The following TMEM268 variants were observed in gnomAD, a reference collection of about 807,000 sequenced individuals.
The protein encoded by TMEM268 is transmembrane protein C9orf91.
TMEM268 carries 24 observed loss-of-function variants against 39.1 expected under a neutral mutation model. The observed-to-expected ratio is 0.61, with a 90% CI of 0.44 to 0.86. TMEM268 has a LOEUF of 0.86. TMEM268 is among the 40% of genes least tolerant of loss of function. The pLI, the probability that TMEM268 is intolerant of heterozygous loss-of-function variation, is 0.00. For synonymous variants in TMEM268, 176 were observed against 173.5 expected (o/e 1.01, Z -0.12); for missense variants, 409 against 428.6 (o/e 0.95, Z 0.40).
At chr9:114,626,859 T>C in intron 3 of TMEM268, 40 bp from the exon 4 acceptor site, 3 of 1,480,220 alleles carry the variant, frequency 2.0e-6, no homozygotes, top group Non-Finnish European at 2.8e-6. Context: ...AAACTGGCTG[T>C]CCTGCGGCTG....
chr9:114,617,286 C>T lies in TMEM268; in HGVS notation c.91C>T (p.Pro31Ser). 6.2e-7 allele frequency: 1 copy of T among 1,613,144 alleles called. No individual in the cohort carries two copies. Among genetic ancestry groups the T allele is most frequent in the Non-Finnish European group, 8.5e-7 (1 of 1,179,338 alleles). Reference protein sequence around the residue: ...GWSALPGGSPPGWGQELHNGQ... With the variant: ...GWSALPGGSPSGWGQELHNGQ... Reference sequence around the variant, plus strand: ...GAGTGCCCTGCCTGGAGGGAGCCCTCCTGGCTGGGGGCAAGGTAAGATCAT... The same window carrying T: ...GAGTGCCCTGCCTGGAGGGAGCCCTTCTGGCTGGGGGCAAGGTAAGATCAT... The change falls in exon 2 of 9, where the codon CCT becomes TCT. Residue 31 changes from proline to serine, a missense_variant. Coordinates refer to ENST00000288502, the MANE Select transcript of TMEM268 (RefSeq NM_153045.4).
chr9:114,643,041 C>A, intron 8 of TMEM268, 93 bp from the exon 9 acceptor site: 1 of 1,329,904 alleles, frequency 7.5e-7, no homozygotes. Context: ...GGTCCAGGGG[C>A]AAGAAAGCAG....
At chr9:114,633,648 C>T (rs1846501497) in intron 5 of TMEM268, 120 bp from the exon 6 acceptor site, 1 of 537,214 alleles carries the variant, frequency 1.9e-6, no homozygotes, top group Non-Finnish European at 3.3e-6. Context: ...TGGGACAGTC[C>T]TGAGGGTGGG....
At position 114,643,436 on chromosome 9, in the gene TMEM268, G is replaced by A; in HGVS notation, c.*123G>A. 2 of 799,880 alleles carry A rather than the reference G, an allele frequency of 2.5e-6. No homozygotes were observed. The highest frequency in any genetic ancestry group is 3.5e-5 in the South Asian group (2 of 56,786). 49.5% of individuals were successfully genotyped at this position (799,880 alleles called of 1,614,324 possible). Reference sequence around the variant, plus strand: ...AGCATCTGGGGGCACTCCAAAAGGGGCCTGTGATGTCAGCCACTGGGGTGT... The same window carrying A: ...AGCATCTGGGGGCACTCCAAAAGGGACCTGTGATGTCAGCCACTGGGGTGT... On this transcript the variant is annotated 3_prime_UTR_variant, in exon 9 of 9. Coordinates refer to ENST00000288502, the MANE Select transcript of TMEM268 (RefSeq NM_153045.4).
At chr9:114,614,350 C>T (rs1845618783) in intron 1 of TMEM268, among the ~76,000 whole-genome samples, 1 of 152,216 alleles carries the variant, frequency 6.6e-6, no homozygotes, top group African/African-American at 2.4e-5. Context: ...GGGCCAGCTT[C>T]AGGTGCATGC....
At chr9:114,607,629 T>C (rs1357227585), upstream of TMEM268, among the ~76,000 whole-genome samples, 1 of 152,134 alleles carries the variant, frequency 6.6e-6, no homozygotes, top group East Asian at 1.9e-4. Flanking sequence ...TACTCCAGCC[T>C]GGGTGACAGA....
upstream of TMEM268, among the ~76,000 whole-genome samples, chr9:114,607,216 A>G (rs1845376843): frequency 2.0e-5 from 3 of 152,204 alleles, no homozygotes; most frequent in Non-Finnish European, 4.4e-5. Context: ...GCATTTAACA[A>G]TTACTGAGGA....
At position 114,617,251 on chromosome 9, in the gene TMEM268, C is replaced by A; in HGVS notation, c.56C>A (p.Ser19Tyr). The A allele has an allele frequency of 3.1e-6, 5 of 1,613,380 alleles. No homozygotes were observed. Among genetic ancestry groups the A allele is most frequent in the Non-Finnish European group, 4.2e-6 (5 of 1,179,658 alleles). The change falls in exon 2 of 9, where the codon TCC becomes TAC. Residue 19 changes from serine to tyrosine, a missense_variant. Ser to Tyr is a moderately radical substitution (Grantham distance 144). Transcript: ENST00000288502. ...PGATGPLPPS[S>Y]PGWSALPGGS... ...GCCACTGGCCCATTGCCCCCCTCCT[C>A]CCCTGGCTGGAGTGCCCTGCCTGGA...
chr9:114,622,503 AG>A (rs752719302), intron 2 of TMEM268: 101 of 985,038 alleles, frequency 1.0e-4, no homozygotes, highest in Non-Finnish European at 1.2e-4. Flanking sequence ...GCAGGCAGGT[AG>A]GTTTGGCTTT....
intron 6 of TMEM268, 38 bp from the exon 7 acceptor site, chr9:114,636,952 C>T (rs1473774732): frequency 2.1e-6 from 3 of 1,454,202 alleles, no homozygotes; most frequent in African/African-American, 2.8e-5. Context: ...GTTGGGCTGC[C>T]CTTGAGCCAC....
At chr9:114,632,525 A>C (rs920829834) in intron 5 of TMEM268, among the ~76,000 whole-genome samples, 2 of 151,708 alleles carry the variant, frequency 1.3e-5, no homozygotes, top group Non-Finnish European at 2.9e-5. Context: ...CTTCTCCCCC[A>C]CCTGTTTAGC....
chr9:114,637,276 C>CATAT (rs1372213535), intron 7 of TMEM268, among the ~76,000 whole-genome samples: 1 of 139,772 alleles, frequency 7.2e-6, no homozygotes, highest in Non-Finnish European at 1.5e-5. Context: ...CTATGGTGAG[C>CATAT]ATATATTTCT....
At chr9:114,617,340 C>T in intron 2 of TMEM268, 39 bp downstream of exon 2, 2 of 1,496,850 alleles carry the variant, frequency 1.3e-6, no homozygotes, top group South Asian at 1.2e-5. Flanking sequence ...TTCTTTCTAC[C>T]TCATGCTGAA....
intron 1 of TMEM268, among the ~76,000 whole-genome samples, chr9:114,614,238 C>T (rs968433647): frequency 2.0e-5 from 3 of 152,212 alleles, no homozygotes; most frequent in East Asian, 3.9e-4. Flanking sequence ...AGCCTTAGAG[C>T]CCAGTGCAGG....
chr9:114,612,115 TC>T, intron 1 of TMEM268, among the ~76,000 whole-genome samples: 1 of 152,098 alleles, frequency 6.6e-6, no homozygotes, highest in Non-Finnish European at 1.5e-5. Context: ...CCTCTTAGGG[TC>T]TCGTGTTGTG....
upstream of TMEM268, among the ~76,000 whole-genome samples, chr9:114,610,285 C>T (rs1845446159): frequency 6.6e-6 from 1 of 152,154 alleles, no homozygotes; most frequent in Non-Finnish European, 1.5e-5. Flanking sequence ...GTAATCCTCC[C>T]GCCTCGGCCT....
intron 1 of TMEM268, among the ~76,000 whole-genome samples, chr9:114,613,608 C>T (rs1845590693): frequency 6.6e-6 from 1 of 152,178 alleles, no homozygotes; most frequent in Non-Finnish European, 1.5e-5. Flanking sequence ...AAACACTTAG[C>T]ATATTTAGGA....
intron 1 of TMEM268, among the ~76,000 whole-genome samples, chr9:114,612,315 T>C (rs957756159): frequency 2.6e-5 from 4 of 152,136 alleles, no homozygotes; most frequent in African/African-American, 9.7e-5. Context: ...TTGTGCAAGA[T>C]GGATATCTGG....
intron 2 of TMEM268, among the ~76,000 whole-genome samples, chr9:114,617,795 C>A (rs1325068280): frequency 6.6e-6 from 1 of 152,142 alleles, no homozygotes. Context: ...TGGTCTCAGA[C>A]TCCTGGCCTC....
Sources: allele counts gnomAD v4.1 joint callset (sites outside exome capture counted in the v4.1 genomes callset), GRCh38; gene constraint gnomAD v4.1.1; transcripts MANE v1.5; gene names NCBI Gene and HGNC (gene_info 2026-07-23, HGNC 2026-07-21).